The following RP1 variants were observed in gnomAD, a reference collection of about 807,000 sequenced individuals.
The protein encoded by RP1 is oxygen-regulated protein 1.
Under a neutral mutation model 14.8 loss-of-function variants are expected in RP1, and 16 were observed. That is an observed-to-expected ratio of 1.08 (90% CI 0.73 to 1.65). The LOEUF is 1.65. Among genes scored for constraint, RP1 ranks in the 40% most tolerant of loss-of-function variants. RP1 has a pLI of 0.00. For synonymous variants in RP1, 876 were observed against 883.6 expected (o/e 0.99, Z 0.15); for missense variants, 2,631 against 2,535.0 (o/e 1.04, Z -0.81).
intron 24 of RP1, among the ~76,000 whole-genome samples, chr8:54,806,174 A>G (rs746107402): frequency 6.6e-6 from 1 of 152,092 alleles, no homozygotes; most frequent in African/African-American, 2.4e-5. Flanking sequence ...GCCTGCCACC[A>G]TGCCCAGCTA....
upstream of RP1, among the ~76,000 whole-genome samples, chr8:54,611,976 G>T (rs1304228025): frequency 6.7e-6 from 1 of 148,308 alleles, no homozygotes; most frequent in Non-Finnish European, 1.5e-5. Flanking sequence ...CCAAGGATCA[G>T]CCTGCAGTAG....
chr8:54,828,496 C>T (rs939699224), intron 24 of RP1, among the ~76,000 whole-genome samples: 1 of 152,094 alleles, frequency 6.6e-6, no homozygotes, highest in Non-Finnish European at 1.5e-5. Context: ...CGGCAGGGCT[C>T]CTCTTTGTCT....
chr8:54,649,258 T>C (rs433265), intron 4 of RP1: 206,866 of 837,110 alleles, frequency 0.25, 27,390 homozygotes, highest in East Asian at 0.4. Context: ...CTGTAGAAGA[T>C]CATTCAAAAA....
chr8:54,734,623 C>G lies in RP1; in HGVS notation c.2600C>G (p.Thr867Arg), dbSNP rs1482873912. The G allele has an allele frequency of 2.6e-6, 4 of 1,535,706 alleles. No homozygotes were observed. The South Asian group carries it at 3.6e-5, about 14-fold the overall frequency. ...AAGGTGTTAGTGCTGACAGGAAATACAGGAACTCAAGCCAATGTCACTCTC... is the reference window on the plus strand; with the variant it reads ...AAGGTGTTAGTGCTGACAGGAAATAGAGGAACTCAAGCCAATGTCACTCTC... Residue 867 changes from threonine (T) to arginine (R), a missense_variant, in exon 18 of 23, where the codon ACA becomes AGA. Coordinates refer to the RP1 transcript ENST00000636932.
chr8:54,781,811 GATGTTCATTAGTT>G lies in RP1; in HGVS notation c.3452-1733_3452-1721del, dbSNP rs1810196145. ...AAAGTGAATAAAAATAACTGCAGAT[GATGTTCATTAGTT>G]ATTCCACCCTTAAGGCCTATGTCAT... On this transcript the variant is annotated intron_variant, in intron 23 of 28. Transcript: ENST00000637698. 2.6e-5 allele frequency among the ~76,000 whole-genome samples: 4 copies of G among 152,258 alleles called. No homozygotes were observed. In the South Asian group the frequency reaches 8.3e-4, roughly 32 times the overall value.
chr8:54,722,759 G>C (rs1808567173), intron 16 of RP1, among the ~76,000 whole-genome samples: 1 of 152,076 alleles, frequency 6.6e-6, no homozygotes, highest in Admixed American at 6.5e-5. Context: ...GACTGATAAG[G>C]GGACTTGGAT....
chr8:54,830,463 C>A lies in RP1; in HGVS notation c.3616-6987C>A, dbSNP rs543658716. On this transcript the variant is annotated intron_variant, in intron 24 of 28. Coordinates refer to the RP1 transcript ENST00000637698. Reference sequence around the variant, plus strand: ...CACTGACCTTCTGTATTTCTAGTGACATTTCTATTCTTAAAGTCACTGTTA... The same window carrying A: ...CACTGACCTTCTGTATTTCTAGTGAAATTTCTATTCTTAAAGTCACTGTTA... Among the ~76,000 whole-genome samples, 48 of 152,096 alleles carry A rather than the reference C, an allele frequency of 3.2e-4. No homozygotes were observed. In the East Asian group the frequency reaches 3.9e-3, roughly 12 times the overall value.
chr8:54,625,059 C>A lies in RP1; in HGVS notation c.1177C>A (p.Pro393Thr), dbSNP rs1791825464. ...AACSFSADVS[P>T]MERSSNQEGS... ...ATGTTCATTCTCTGCAGATGTGTCA[C>A]CTATGGAGCGAAGCAGTAATCAAGA... The change falls in exon 4 of 4, where the codon CCT (proline) becomes ACT (threonine). Residue 393 changes from proline to threonine, a missense_variant. Coordinates refer to ENST00000220676, the MANE Select transcript of RP1 (RefSeq NM_006269.2). The A allele has an allele frequency of 3.1e-6, 5 of 1,614,000 alleles. No homozygotes were observed. The highest frequency in any genetic ancestry group is 8.5e-7 in the Non-Finnish European group (1 of 1,180,036).
intron 6 of RP1, among the ~76,000 whole-genome samples, chr8:54,659,083 T>C (rs1442064200): frequency 6.6e-6 from 1 of 152,174 alleles, no homozygotes; most frequent in African/African-American, 2.4e-5. Flanking sequence ...TTTCATGTGT[T>C]ATTGTTTAGT....
chr8:54,690,004 T>C (rs1398052569), intron 12 of RP1, among the ~76,000 whole-genome samples: 1 of 152,136 alleles, frequency 6.6e-6, no homozygotes, highest in Non-Finnish European at 1.5e-5. Flanking sequence ...TAAAAATTAC[T>C]GCTTCAGTAA....
chr8:54,831,920 G>A, intron 24 of RP1, among the ~76,000 whole-genome samples: 1 of 151,654 alleles, frequency 6.6e-6, no homozygotes, highest in South Asian at 2.1e-4. Flanking sequence ...TTTTTTGCTA[G>A]ATATGAAACT....
chr8:54,667,713 T>G (rs1218769572), intron 7 of RP1, among the ~76,000 whole-genome samples: 1 of 152,116 alleles, frequency 6.6e-6, no homozygotes, highest in African/African-American at 2.4e-5. Flanking sequence ...TTTGTATTTG[T>G]TTATTTGGTA....
At chr8:54,692,572 A>G (rs858390) in intron 12 of RP1, among the ~76,000 whole-genome samples, 24,769 of 42,588 alleles carry the variant, frequency 0.58, 9,102 homozygotes, top group African/African-American at 0.86. Context: ...GGCCAGTGAT[A>G]ATGAGCATTT....
At chr8:54,808,204 A>T (rs1023917929) in intron 24 of RP1, among the ~76,000 whole-genome samples, 2 of 152,212 alleles carry the variant, frequency 1.3e-5, no homozygotes, top group African/African-American at 2.4e-5. Context: ...GGAAAATGGT[A>T]GTTACTTTCT....
chr8:54,810,444 A>C (rs570609510), intron 24 of RP1, among the ~76,000 whole-genome samples: 1 of 152,226 alleles, frequency 6.6e-6, no homozygotes, highest in South Asian at 2.1e-4. Flanking sequence ...GTTATGATTG[A>C]ATTTGATTGT....
chr8:54,741,119 C>T (rs890762308), intron 19 of RP1, among the ~76,000 whole-genome samples: 1 of 151,360 alleles, frequency 6.6e-6, no homozygotes, highest in African/African-American at 2.4e-5. Flanking sequence ...GTGTTTTAAG[C>T]TAAGTGTTAT....
At chr8:54,794,942 C>T (rs961444729) in intron 24 of RP1, among the ~76,000 whole-genome samples, 15 of 151,984 alleles carry the variant, frequency 9.9e-5, no homozygotes, top group Non-Finnish European at 1.6e-4. Context: ...CCTGAATAGA[C>T]ATTTTCCCAA....
chr8:54,703,650 T>C (rs532518415), intron 14 of RP1, among the ~76,000 whole-genome samples: 241 of 152,342 alleles, frequency 1.6e-3, no homozygotes, highest in Admixed American at 3.2e-3. Flanking sequence ...TTTGAAGCTT[T>C]GAAGCCAGGC....
intron 1 of RP1, among the ~76,000 whole-genome samples, chr8:54,591,439 G>C (rs1014009283): frequency 6.6e-6 from 1 of 151,960 alleles, no homozygotes; most frequent in Non-Finnish European, 1.5e-5. Flanking sequence ...AATAGTCTTT[G>C]AATAGTTTTT....
Sources: allele counts gnomAD v4.1 joint callset (sites outside exome capture counted in the v4.1 genomes callset), GRCh38; gene constraint gnomAD v4.1.1; transcripts MANE v1.5; gene names NCBI Gene and HGNC (gene_info 2026-07-23, HGNC 2026-07-21).